The following TRHDE variants were observed in gnomAD, a reference collection of about 807,000 sequenced individuals.
The protein encoded by TRHDE is thyrotropin-releasing hormone-degrading ectoenzyme.
A neutral mutation model predicts 125.7 loss-of-function variants in TRHDE; 72 were observed. The ratio of observed to expected loss-of-function variants is 0.57; its 90% CI spans 0.47 to 0.70. The LOEUF is 0.70. Ranked by LOEUF, TRHDE falls within the 30% of genes least tolerant of loss-of-function variation. TRHDE has a pLI of 0.00. For synonymous variants in TRHDE, 509 were observed against 509.1 expected, an observed-to-expected ratio of 1.00 and a Z score of 0.00; for missense variants, 1,110 against 1,327.1, an observed-to-expected ratio of 0.84 and a Z score of 2.54.
intron 2 of TRHDE, among the ~76,000 whole-genome samples, chr12:72,330,280 C>A (rs558206033): frequency 9.2e-5 from 14 of 151,790 alleles, no homozygotes; most frequent in African/African-American, 3.4e-4. Flanking sequence ...ACTCTCCCCA[C>A]CTCCCTACCC....
At chr12:72,502,705 T>G (rs1393317998) in intron 6 of TRHDE, among the ~76,000 whole-genome samples, 2 of 152,184 alleles carry the variant, frequency 1.3e-5, no homozygotes, top group Admixed American at 6.5e-5. Flanking sequence ...TTCTGTATCC[T>G]TATTGATTTT....
chr12:72,376,012 A>G (rs1367779360), intron 2 of TRHDE, among the ~76,000 whole-genome samples: 2 of 152,136 alleles, frequency 1.3e-5, no homozygotes, highest in African/African-American at 2.4e-5. Flanking sequence ...ATCTTCTCCA[A>G]AGGACTATCT....
chr12:72,486,662 T>C (rs1877423510), intron 5 of TRHDE, among the ~76,000 whole-genome samples: 1 of 152,128 alleles, frequency 6.6e-6, no homozygotes, highest in Non-Finnish European at 1.5e-5. Context: ...CAGGTGAAAG[T>C]ATTAGCCTCC....
intron 2 of TRHDE, among the ~76,000 whole-genome samples, chr12:72,312,763 A>T (rs1286556179): frequency 1.3e-5 from 2 of 152,172 alleles, no homozygotes; most frequent in African/African-American, 2.4e-5. Context: ...TGAGATAAAC[A>T]TCAGCTTCGT....
intron 2 of TRHDE, among the ~76,000 whole-genome samples, chr12:72,320,033 A>G (rs1439979521): frequency 6.6e-6 from 1 of 152,106 alleles, no homozygotes; most frequent in African/African-American, 2.4e-5. Flanking sequence ...TTATTTTTTG[A>G]TTCTCCAGGT....
intron 6 of TRHDE, among the ~76,000 whole-genome samples, chr12:72,538,120 A>T (rs1321075571): frequency 6.6e-6 from 1 of 151,886 alleles, no homozygotes; most frequent in Non-Finnish European, 1.5e-5. Flanking sequence ...GCAGAAAAAA[A>T]TTTCTCCCAT....
At chr12:72,450,856 A>G (rs1239081112) in intron 3 of TRHDE, among the ~76,000 whole-genome samples, 1 of 152,068 alleles carries the variant, frequency 6.6e-6, no homozygotes, top group Non-Finnish European at 1.5e-5. Flanking sequence ...GTGTGAGGTG[A>G]TAACTCATTG....
At chr12:72,177,352 A>G (rs1877011054) in intron 2 of TRHDE, among the ~76,000 whole-genome samples, 1 of 152,202 alleles carries the variant, frequency 6.6e-6, no homozygotes, top group African/African-American at 2.4e-5. Context: ...TGGAAAATAT[A>G]CATCATACCT....
chr12:72,503,703 A>G (rs1245457342), intron 6 of TRHDE, among the ~76,000 whole-genome samples: 5 of 152,184 alleles, frequency 3.3e-5, no homozygotes, highest in Admixed American at 3.3e-4. Flanking sequence ...CTCTTTCTCT[A>G]TCTGACTTAA....
At chr12:72,364,698 A>T (rs1032161737) in intron 2 of TRHDE, among the ~76,000 whole-genome samples, 1 of 151,982 alleles carries the variant, frequency 6.6e-6, no homozygotes, top group Admixed American at 6.6e-5. Context: ...CTTGAACTGG[A>T]TGGTGTTGAT....
chr12:72,590,143 A>T (rs1452383845), intron 12 of TRHDE, among the ~76,000 whole-genome samples: 1 of 150,512 alleles, frequency 6.6e-6, no homozygotes, highest in Non-Finnish European at 1.5e-5. Flanking sequence ...TGATTACTCA[A>T]GTATATTACT....
chr12:72,276,251 G>A (rs1468555855), intron 1 of TRHDE, among the ~76,000 whole-genome samples: 3 of 152,226 alleles, frequency 2.0e-5, no homozygotes, highest in East Asian at 1.9e-4. Context: ...GCAGATGCAA[G>A]CACTGAATTT....
At chr12:72,504,582 G>T (rs970050121) in intron 6 of TRHDE, among the ~76,000 whole-genome samples, 1 of 152,190 alleles carries the variant, frequency 6.6e-6, no homozygotes, top group Non-Finnish European at 1.5e-5. Flanking sequence ...GATTACAGGC[G>T]TGAGCCACTG....
chr12:72,332,493 G>C (rs1276125277), intron 2 of TRHDE, among the ~76,000 whole-genome samples: 1 of 152,014 alleles, frequency 6.6e-6, no homozygotes, highest in African/African-American at 2.4e-5. Flanking sequence ...TCACCCAGGG[G>C]ATGGTGCTAA....
At chr12:72,549,943 T>TA (rs1448539251) in intron 7 of TRHDE, among the ~76,000 whole-genome samples, 7 of 151,926 alleles carry the variant, frequency 4.6e-5, no homozygotes, top group African/African-American at 1.7e-4. Flanking sequence ...TAATATTAAC[T>TA]AAAAAACTCG....
intron 2 of TRHDE, among the ~76,000 whole-genome samples, chr12:72,238,339 T>TTATATATA (rs1252345327): frequency 1.9e-4 from 4 of 21,164 alleles, no homozygotes; most frequent in African/African-American, 5.4e-4. Flanking sequence ...TATATACACA[T>TTATATATA]TATATATATA....
At chr12:72,565,402 TAGAAA>T (rs1421797818) in intron 9 of TRHDE, among the ~76,000 whole-genome samples, 1 of 152,226 alleles carries the variant, frequency 6.6e-6, no homozygotes, top group Non-Finnish European at 1.5e-5. Context: ...TATTACAACA[TAGAAA>T]GGAAAGATCT....
intron 12 of TRHDE, among the ~76,000 whole-genome samples, chr12:72,583,791 C>T (rs1156984471): frequency 2.0e-5 from 3 of 152,058 alleles, no homozygotes; most frequent in African/African-American, 7.2e-5. Flanking sequence ...CTTTAGAAAT[C>T]TGTTGAGGGT....
chr12:72,620,728 C>A (rs890257472), intron 13 of TRHDE, among the ~76,000 whole-genome samples: 1 of 151,946 alleles, frequency 6.6e-6, no homozygotes, highest in South Asian at 2.1e-4. Flanking sequence ...ATATAAAATG[C>A]GTAAATATTA....
Sources: allele counts gnomAD v4.1 joint callset (sites outside exome capture counted in the v4.1 genomes callset), GRCh38; gene constraint gnomAD v4.1.1; transcripts MANE v1.5; gene names NCBI Gene and HGNC (gene_info 2026-07-23, HGNC 2026-07-21).